The following MCF2L variants were observed in gnomAD, a reference collection of about 807,000 sequenced individuals.
The protein encoded by MCF2L is MCF.2 cell line derived transforming sequence like.
In MCF2L, 97 loss-of-function variants were observed where a neutral mutation model predicts 153.4. That is an observed-to-expected ratio of 0.63 (90% confidence interval 0.54 to 0.75). The LOEUF (loss-of-function observed/expected upper bound fraction) is 0.75. MCF2L is among the 30% of genes least tolerant of loss of function. The pLI, the probability that MCF2L is intolerant of heterozygous loss-of-function variation, is 0.00. For synonymous variants in MCF2L, 659 were observed against 632.2 expected, an observed-to-expected ratio of 1.04 and a Z score of -0.64; for missense variants, 1,347 against 1,495.2, an observed-to-expected ratio of 0.90 and a Z score of 1.64.
upstream of MCF2L, chr13:112,968,834 G>T (rs375158523): frequency 6.7e-5 from 84 of 1,249,306 alleles, no homozygotes; most frequent in African/African-American, 1.2e-3. Flanking sequence ...CCGGGGGGAA[G>T]GGCGGGGGCA....
intron 2 of MCF2L, among the ~76,000 whole-genome samples, chr13:112,927,241 C>T (rs1457095425): frequency 1.3e-5 from 2 of 152,190 alleles, no homozygotes; most frequent in East Asian, 3.8e-4. Context: ...AGCAATTCCA[C>T]TTCTAGGAAT....
intron 2 of MCF2L, among the ~76,000 whole-genome samples, chr13:112,934,726 G>A (rs914855332): frequency 4.6e-5 from 7 of 152,148 alleles, no homozygotes; most frequent in Admixed American, 1.3e-4. Flanking sequence ...GCTGTGTGCC[G>A]GGGCGGCCCT....
chr13:113,069,874 T>A (rs959214610), intron 8 of MCF2L, among the ~76,000 whole-genome samples, 185 bp from the exon 9 acceptor site: 18 of 152,164 alleles, frequency 1.2e-4, no homozygotes, highest in Non-Finnish European at 1.9e-4. Flanking sequence ...CTCCCTCCCA[T>A]GCTGACGGCC....
intron 4 of MCF2L, among the ~76,000 whole-genome samples, chr13:113,058,369 C>T (rs1358141350): frequency 1.5e-5 from 2 of 131,802 alleles, no homozygotes; most frequent in Non-Finnish European, 3.2e-5. Context: ...ACTGAGTGGG[C>T]GCTAAGTGGG....
At chr13:113,036,739 C>T (rs1283685159) in intron 3 of MCF2L, among the ~76,000 whole-genome samples, 2 of 152,260 alleles carry the variant, frequency 1.3e-5, no homozygotes, top group Non-Finnish European at 2.9e-5. Flanking sequence ...CCTTGTGTTC[C>T]TCCTGCCTCC....
intron 1 of MCF2L, among the ~76,000 whole-genome samples, chr13:112,987,239 C>A (rs1174187198): frequency 6.6e-6 from 1 of 151,996 alleles, no homozygotes; most frequent in Non-Finnish European, 1.5e-5. Flanking sequence ...TCTCCCTCCA[C>A]CTGCCCCTTC....
chr13:112,949,578 G>A (rs1176392268), intron 2 of MCF2L, among the ~76,000 whole-genome samples: 1 of 152,006 alleles, frequency 6.6e-6, no homozygotes, highest in Non-Finnish European at 1.5e-5. Flanking sequence ...ATCAATATTT[G>A]AAAATTAGTC....
chr13:112,935,082 G>A (rs901476511), intron 2 of MCF2L, among the ~76,000 whole-genome samples: 3 of 152,168 alleles, frequency 2.0e-5, no homozygotes, highest in African/African-American at 7.2e-5. Context: ...TGTGTTAGGG[G>A]CACTGCCAAT....
At chr13:113,048,955 G>C (rs2087019712) in intron 4 of MCF2L, among the ~76,000 whole-genome samples, 2 of 152,230 alleles carry the variant, frequency 1.3e-5, no homozygotes, top group South Asian at 4.1e-4. Context: ...GGAGGGGGCA[G>C]AGTTAGGCCC....
chr13:112,908,276 C>T (rs1176199853), intron 2 of MCF2L, among the ~76,000 whole-genome samples: 1 of 152,188 alleles, frequency 6.6e-6, no homozygotes, highest in African/African-American at 2.4e-5. Context: ...ACCACCGCCC[C>T]AGCTTGCACA....
chr13:112,998,022 G>A (rs936443682), intron 1 of MCF2L, among the ~76,000 whole-genome samples: 4 of 152,228 alleles, frequency 2.6e-5, no homozygotes, highest in Admixed American at 1.3e-4. Context: ...CCATGTGTGC[G>A]GGGCCTTTGT....
At chr13:112,996,294 T>C (rs1403815705) in intron 1 of MCF2L, among the ~76,000 whole-genome samples, 2 of 152,172 alleles carry the variant, frequency 1.3e-5, no homozygotes, top group Non-Finnish European at 2.9e-5. Flanking sequence ...CACTCCAGCC[T>C]GGGTGACAGA....
At chr13:112,899,983 G>GA (rs1488985688) in intron 1 of MCF2L, among the ~76,000 whole-genome samples, 4 of 152,308 alleles carry the variant, frequency 2.6e-5, no homozygotes, top group Middle Eastern at 3.4e-3. Context: ...GGAGGATGTA[G>GA]CCCTCATGCC....
At position 112,926,771 on chromosome 13, in the gene MCF2L, A is replaced by G. The variant is rs60427604; in HGVS notation, c.169+24400A>G. Among the ~76,000 whole-genome samples the G allele has an allele frequency of 4.5e-3, 654 of 146,868 alleles. 10 individuals carry two copies. The highest frequency in any genetic ancestry group is 0.015 in the African/African-American group (613 of 40,752). ...TGTACTCGCAGAAAGGGGAACTCAT[A>G]GGAGCAGAGTGGCGGTCGCCTGGGG... On this transcript the variant is annotated intron_variant, in intron 2 of 29. Coordinates refer to the MCF2L transcript ENST00000375608.
In MCF2L at chr13:112,960,199, A is replaced by G. The variant is rs1378858064; in HGVS notation, c.170-54564A>G. The stretch of plus-strand genomic sequence containing the variant: ...ATGGTCCTGGAGGCTTGGAAGCCCA[A>G]GATTGAGGGGCTGCATCTGGTGAGG... On this transcript the variant is annotated intron_variant, in intron 2 of 29. Transcript: ENST00000375608. This position sits in a 1 kb window ranked among gnomAD's most constrained non-coding sequence, Gnocchi z 4.2. 6.6e-6 allele frequency among the ~76,000 whole-genome samples: 1 copy of G among 152,180 alleles called. No homozygotes were observed. Among genetic ancestry groups the G allele is most frequent in the African/African-American group, 2.4e-5 (1 of 41,438 alleles).
intron 1 of MCF2L, among the ~76,000 whole-genome samples, chr13:113,011,567 TGAG>T (rs1302649764): frequency 7.0e-6 from 1 of 142,446 alleles, no homozygotes; most frequent in African/African-American, 2.7e-5. Context: ...GACACTGCGA[TGAG>T]GACAGTGGAC....
At chr13:113,023,035 C>T (rs938281482) in intron 2 of MCF2L, among the ~76,000 whole-genome samples, 1 of 152,254 alleles carries the variant, frequency 6.6e-6, no homozygotes, top group African/African-American at 2.4e-5. Flanking sequence ...CATCAGAGCA[C>T]AATGAAGCCA....
intron 2 of MCF2L, among the ~76,000 whole-genome samples, chr13:112,945,485 A>G (rs1412154092): frequency 6.6e-6 from 1 of 152,288 alleles, no homozygotes; most frequent in African/African-American, 2.4e-5. Context: ...AGTGCTTATT[A>G]TATAAAGAAA....
intron 4 of MCF2L, among the ~76,000 whole-genome samples, chr13:113,050,417 G>T (rs1365313896): frequency 6.6e-6 from 1 of 151,506 alleles, no homozygotes; most frequent in Non-Finnish European, 1.5e-5. Context: ...TAGGTGGCTG[G>T]AGAAAGTGAA....
Sources: gnomAD v4.1 joint callset for allele counts (sites outside exome capture counted in the v4.1 genomes callset) on GRCh38, gnomAD v4.1.1 for gene constraint, Gnocchi (gnomAD v3.1) non-coding constraint, MANE v1.5 for transcripts, NCBI Gene and HGNC (gene_info 2026-07-23, HGNC 2026-07-21) for gene names.